Variants in CRLF1 observed in about 807,000 individuals in gnomAD.
The protein encoded by CRLF1 is cytokine receptor like factor 1, also known as cytokine receptor-like factor 1.
In CRLF1, 36 loss-of-function variants were observed where a neutral mutation model predicts 48.9. The observed-to-expected ratio is 0.74, with a 90% CI of 0.56 to 0.97. CRLF1 has a LOEUF of 0.97. Ranked by LOEUF, CRLF1 falls within the 50% of genes least tolerant of loss-of-function variation. CRLF1 has a pLI of 0.00. For synonymous variants in CRLF1, 256 were observed against 253.4 expected (o/e 1.01, Z -0.10); for missense variants, 534 against 575.1 (o/e 0.93, Z 0.73).
At chr19:18,604,344 G>A (rs72995445) in intron 1 of CRLF1, among the ~76,000 whole-genome samples, 6,830 of 152,262 alleles carry the variant, frequency 0.045, 188 homozygotes, top group Non-Finnish European at 0.066. Flanking sequence ...CACCCCCTTA[G>A]CCCCAGCCGG....
rs370811634 is a variant in CRLF1, at chr19:18,598,514, C to A, written c.615G>T (p.Thr205=). The A allele has an allele frequency of 3.1e-6, 5 of 1,614,078 alleles. No individual in the cohort carries two copies. In the South Asian group the frequency reaches 5.5e-5, roughly 18 times the overall value. ...TGGCCTCCACCCAGATCTCATAGGGCGTAAAGAGAGCCAGGTCCTTGGGGA... is the reference window on the plus strand; with the variant it reads ...TGGCCTCCACCCAGATCTCATAGGGAGTAAAGAGAGCCAGGTCCTTGGGGA... ...CHIPKDLALF[T]PYEIWVEATN... Residue 205 remains threonine (T), a synonymous_variant, in exon 4 of 9, where the codon ACG becomes ACT. Coordinates refer to ENST00000392386, the MANE Select transcript of CRLF1 (RefSeq NM_004750.5).
rs201768117 is a variant in CRLF1, at chr19:18,598,620, G to T, written c.528-19C>A. 1 of 1,613,908 alleles carries T rather than the reference G, an allele frequency of 6.2e-7. No individual in the cohort carries two copies. The highest frequency in any genetic ancestry group is 8.5e-7 in the Non-Finnish European group (1 of 1,179,972). ...ATACCACCTGCGGGGATGGGAGGGC[G>T]ACAGGACGCATGAGGGTTCCTTGTG... On this transcript the variant is annotated intron_variant, in intron 3 of 8. Transcript: ENST00000392386.
In CRLF1 at chr19:18,606,648, G is replaced by C. The variant is rs984614003; in HGVS notation, c.9C>G (p.Ala3=). 1.5e-5 allele frequency: 12 copies of C among 826,086 alleles called. No individual in the cohort carries two copies. The African/African-American group carries it at 2.3e-4, about 16-fold the overall frequency. 51.2% of individuals were successfully genotyped at this position (826,086 alleles called of 1,614,324 possible). The change falls in exon 1 of 9, where the codon GCC becomes GCG. Residue 3 remains alanine, a synonymous_variant. Transcript: ENST00000392386. The surrounding 1 kb of genome is among the most constrained non-coding windows in gnomAD (Gnocchi z 4.8). ...ATTGGGCGGCGGGGCCCCGGCGGCC[G>C]GCGGGCATGGGGCCGGCGCTGCCGG... MP[A]GRRGPAAQSA...
intron 1 of CRLF1, among the ~76,000 whole-genome samples, chr19:18,602,930 C>G (rs1422512246): frequency 6.6e-6 from 1 of 152,128 alleles, no homozygotes; most frequent in Non-Finnish European, 1.5e-5. Flanking sequence ...AGGCTGGTCT[C>G]GAACTCTTGA....
chr19:18,594,571 T>G, intron 6 of CRLF1, 137 bp from the exon 7 acceptor site: 22 of 581,862 alleles, frequency 3.8e-5, no homozygotes, highest in South Asian at 6.2e-5. Context: ...GACCGAGTCC[T>G]CCCCGCGGCC....
chr19:18,601,313 G>C (rs1390876990), intron 1 of CRLF1, among the ~76,000 whole-genome samples: 1 of 149,332 alleles, frequency 6.7e-6, no homozygotes, highest in Non-Finnish European at 1.5e-5. Flanking sequence ...TTTTGCTCTT[G>C]TTGCCCAGGC....
chr19:18,603,330 G>A (rs944704616), intron 1 of CRLF1, among the ~76,000 whole-genome samples: 3 of 152,248 alleles, frequency 2.0e-5, no homozygotes, highest in African/African-American at 7.2e-5. Flanking sequence ...CTGGGGAGGT[G>A]ACCTTTGAGC....
At position 18,598,469 on chromosome 19, in the gene CRLF1, G is replaced by C. The variant is rs148208638; in HGVS notation, c.660C>G (p.Ala220=). 5.6e-4 allele frequency: 909 copies of C among 1,614,108 alleles called. No individual in the cohort carries two copies. Among genetic ancestry groups the C allele is most frequent in the Non-Finnish European group, 5.5e-4 (644 of 1,180,002 alleles). ...TATCCAGCGTGAGTACATCGGAGCG[G>C]GCAGAGCCCAGGCGGTTGGTGGCCT... ...WVEATNRLGS[A]RSDVLTLDIL... is the part of the protein sequence containing the mutation. Residue 220 remains alanine, a synonymous_variant, in exon 4 of 9, where the codon GCC becomes GCG. Coordinates refer to ENST00000392386, the MANE Select transcript of CRLF1 (RefSeq NM_004750.5).
At position 18,598,901 on chromosome 19, in the gene CRLF1, A is replaced by G; in HGVS notation, c.398T>C (p.Leu133Pro). ...GATGTTGACGGGTTTCTCTGGGGGC[A>G]CTGGGAGAAGGGGAGGGTGCAGGAA... Reference protein sequence around the residue: ...ILAGSCLYVGLPPEKPVNISC... With the variant: ...ILAGSCLYVGPPPEKPVNISC... The change falls in exon 3 of 9, where the codon CTG becomes CCG. Residue 133 changes from leucine to proline, a missense_variant and splice_region_variant. Around this residue, in one of 2 missense-constraint regions of CRLF1, gnomAD observed 528 missense variants for 555.7 expected, o/e 0.95. Transcript: ENST00000392386. 1 of 1,613,784 alleles carries G rather than the reference A, an allele frequency of 6.2e-7. No homozygotes were observed. The highest frequency in any genetic ancestry group is 1.7e-4 in the Middle Eastern group (1 of 6,044).
chr19:18,593,274 G>A lies in CRLF1; in HGVS notation c.*292C>T, dbSNP rs1976079902. ...CTCATTTATTTAAAAGGACTCTTTT[G>A]GAGGGGCCCTAGGTAATGGGGAGTA... On this transcript the variant is annotated 3_prime_UTR_variant, in exon 9 of 9. Transcript: ENST00000392386. 1 of 453,948 alleles carries A rather than the reference G, an allele frequency of 2.2e-6. No individual in the cohort carries two copies. Among genetic ancestry groups the A allele is most frequent in the Non-Finnish European group, 4.0e-6 (1 of 249,474 alleles). 28.1% of individuals were successfully genotyped at this position (453,948 alleles called of 1,614,324 possible).
In CRLF1 at chr19:18,601,249, G is replaced by A. The variant is rs528793616; in HGVS notation, c.116-1403C>T. ...GGGCACTGCTTAAAATGAAAGCCCT[G>A]ACCCTTACTTGAATCATTAAGAGCA... On this transcript the variant is annotated intron_variant, in intron 1 of 8. Transcript: ENST00000392386. 6.6e-5 allele frequency among the ~76,000 whole-genome samples: 10 copies of A among 151,822 alleles called. 1 individual carries two copies. The South Asian group carries it at 1.7e-3, about 25-fold the overall frequency.
intron 1 of CRLF1, among the ~76,000 whole-genome samples, chr19:18,604,257 G>C (rs570905168): frequency 6.6e-6 from 1 of 152,278 alleles, no homozygotes; most frequent in Admixed American, 6.5e-5. Context: ...CCCTCCCGGG[G>C]CTGGGCGGGG....
At chr19:18,603,134 G>A (rs1182746789) in intron 1 of CRLF1, among the ~76,000 whole-genome samples, 1 of 152,288 alleles carries the variant, frequency 6.6e-6, no homozygotes, top group Non-Finnish European at 1.5e-5. Context: ...GGTACCTATA[G>A]TGTGTCCGGA....
At position 18,599,753 on chromosome 19, in the gene CRLF1, G is replaced by A. The variant is rs1976195298; in HGVS notation, c.209C>T (p.Thr70Ile). The change falls in exon 2 of 9, where the codon ACC becomes ATC. Residue 70 changes from threonine (T) to isoleucine (I), a missense_variant. Physicochemically the swap from Thr to Ile is moderately conservative, Grantham distance 89. Coordinates refer to ENST00000392386, the MANE Select transcript of CRLF1 (RefSeq NM_004750.5). ...CSVHGDPPGATAEGLYWTLNG... is the reference protein window; with the variant it reads ...CSVHGDPPGAIAEGLYWTLNG... ...GAGGGTCCAGTAGAGGCCCTCGGCGGTGGCTCCTGGTGGGTCTCCGTGCAC... is the reference window on the plus strand; with the variant it reads ...GAGGGTCCAGTAGAGGCCCTCGGCGATGGCTCCTGGTGGGTCTCCGTGCAC... The A allele has an allele frequency of 1.3e-6, 2 of 1,598,382 alleles. No individual in the cohort carries two copies. The highest frequency in any genetic ancestry group is 2.7e-5 in the African/African-American group (2 of 74,798).
intron 6 of CRLF1, among the ~76,000 whole-genome samples, chr19:18,594,771 TAGAC>T (rs542060510): frequency 3.3e-4 from 49 of 149,506 alleles, no homozygotes; most frequent in African/African-American, 8.6e-4. Context: ...GACATAGAGA[TAGAC>T]AGACAGAGCA....
chr19:18,594,757 A>T (rs1976108422), intron 6 of CRLF1, among the ~76,000 whole-genome samples: 1 of 151,300 alleles, frequency 6.6e-6, no homozygotes. Context: ...AGCCGGGGGG[A>T]TGAGACATAG....
chr19:18,598,975 C>T, intron 2 of CRLF1, 74 bp from the exon 3 acceptor site: 3 of 1,587,650 alleles, frequency 1.9e-6, no homozygotes, highest in Non-Finnish European at 2.6e-6. Context: ...GGGTTGCTGC[C>T]CACCCACCAG....
At chr19:18,596,836 G>A (rs1156907661) in intron 5 of CRLF1, 46 bp from the exon 6 acceptor site, 8 of 1,613,030 alleles carry the variant, frequency 5.0e-6, no homozygotes, top group Middle Eastern at 1.7e-4. Context: ...GGCCTAGCAG[G>A]AGCGGGGGCG....
intron 1 of CRLF1, among the ~76,000 whole-genome samples, chr19:18,604,053 C>A (rs1049987096): frequency 6.6e-6 from 1 of 152,200 alleles, no homozygotes; most frequent in South Asian, 2.1e-4. Flanking sequence ...GTGGGAGGCA[C>A]GGCCAGGCCT....
Sources: allele counts gnomAD v4.1 joint callset (sites outside exome capture counted in the v4.1 genomes callset), GRCh38; gene constraint gnomAD v4.1.1; regional missense constraint gnomAD v4.1.1; non-coding constraint Gnocchi (gnomAD v3.1); transcripts MANE v1.5; gene names NCBI Gene and HGNC (gene_info 2026-07-23, HGNC 2026-07-21).